Variants in ICA1 observed in about 807,000 individuals in gnomAD.
ICA1 encodes the protein islet cell autoantigen 1.
A neutral mutation model predicts 71.0 loss-of-function variants in ICA1; 40 were observed. That is an observed-to-expected ratio of 0.56 (90% CI 0.44 to 0.73). The LOEUF (loss-of-function observed/expected upper bound fraction) is 0.73. Ranked by LOEUF, ICA1 falls within the 30% of genes least tolerant of loss-of-function variation. The pLI, the probability that ICA1 is intolerant of heterozygous loss-of-function variation, is 0.00. For missense variants in ICA1, 578 were observed against 576.5 expected, an observed-to-expected ratio of 1.00 and a Z score of -0.03; for synonymous variants, 207 against 209.5, an observed-to-expected ratio of 0.99 and a Z score of 0.10.
intron 4 of ICA1, among the ~76,000 whole-genome samples, chr7:8,224,177 G>A (rs1479072642): frequency 6.6e-6 from 1 of 152,184 alleles, no homozygotes; most frequent in African/African-American, 2.4e-5. Context: ...CGGTCAGTAG[G>A]TGCCTTAGAC....
intron 6 of ICA1, among the ~76,000 whole-genome samples, chr7:8,216,251 G>A (rs1795360693): frequency 6.6e-6 from 1 of 152,102 alleles, no homozygotes; most frequent in Admixed American, 6.6e-5. Flanking sequence ...CTGGCCCTGG[G>A]GTGATGGCTG....
chr7:8,139,829 T>G (rs1030982402), intron 10 of ICA1, among the ~76,000 whole-genome samples: 1 of 152,214 alleles, frequency 6.6e-6, no homozygotes, highest in East Asian at 1.9e-4. Flanking sequence ...CCAAAAACTA[T>G]TCTAAACAAT....
chr7:8,182,835 G>C (rs892728082), intron 6 of ICA1, among the ~76,000 whole-genome samples: 1 of 152,178 alleles, frequency 6.6e-6, no homozygotes, highest in African/African-American at 2.4e-5. Context: ...AAAACCCACT[G>C]TCACTGTAAG....
At chr7:8,257,333 T>C (rs946792797) in intron 1 of ICA1, among the ~76,000 whole-genome samples, 1 of 152,162 alleles carries the variant, frequency 6.6e-6, no homozygotes, top group African/African-American at 2.4e-5. Flanking sequence ...CTAGGTACTA[T>C]TAGGTTTCAG....
rs773767906 is a variant in ICA1, at chr7:8,143,881, G to A, written c.896C>T (p.Pro299Leu). The change falls in exon 9 of 14, where the codon CCG becomes CTG. Residue 299 changes from proline to leucine, a missense_variant. Transcript: ENST00000402384. Reference sequence around the variant, plus strand: ...GAAGGAACCTGTGACTTACTGGCTCGGCTCCTGCACGGCTGCATCTGTACT... The same window carrying A: ...GAAGGAACCTGTGACTTACTGGCTCAGCTCCTGCACGGCTGCATCTGTACT... Reference protein sequence around the residue: ...QESTDAAVQEPSQLISLEEEN... With the variant: ...QESTDAAVQELSQLISLEEEN... 3.3e-5 allele frequency: 53 copies of A among 1,603,938 alleles called. 1 individual carries two copies. The Middle Eastern group carries it at 3.3e-3, about 100-fold the overall frequency.
At chr7:8,148,401 C>T (rs1797765836) in intron 8 of ICA1, among the ~76,000 whole-genome samples, 1 of 150,986 alleles carries the variant, frequency 6.6e-6, no homozygotes, top group Non-Finnish European at 1.5e-5. Flanking sequence ...ATTACCTTAC[C>T]TTTTTTTTTA....
intron 6 of ICA1, among the ~76,000 whole-genome samples, chr7:8,213,513 C>T (rs560332415): frequency 1.2e-3 from 186 of 152,296 alleles, no homozygotes; most frequent in Non-Finnish European, 2.3e-3. Flanking sequence ...GAAAGGCCTT[C>T]GTCCTACAGC....
intron 13 of ICA1, among the ~76,000 whole-genome samples, chr7:8,115,269 T>C (rs996008192): frequency 1.3e-5 from 2 of 152,170 alleles, no homozygotes; most frequent in African/African-American, 4.8e-5. Flanking sequence ...TTGAATTCCA[T>C]GTGCAATTAG....
intron 6 of ICA1, among the ~76,000 whole-genome samples, chr7:8,209,323 A>T (rs1323600774): frequency 6.6e-6 from 1 of 152,166 alleles, no homozygotes; most frequent in Admixed American, 6.5e-5. Flanking sequence ...GTATTACAAA[A>T]CATGCTTAAT....
intron 4 of ICA1, among the ~76,000 whole-genome samples, chr7:8,221,892 G>C (rs1281430878): frequency 6.6e-6 from 1 of 152,134 alleles, no homozygotes; most frequent in East Asian, 1.9e-4. Flanking sequence ...GGTTGGAAGT[G>C]GGGGTAGGGA....
At chr7:8,243,225 A>C (rs920175293) in intron 1 of ICA1, among the ~76,000 whole-genome samples, 7 of 152,204 alleles carry the variant, frequency 4.6e-5, no homozygotes, top group East Asian at 1.9e-4. Flanking sequence ...ACCACAATCA[A>C]GTCGGCTTCA....
At chr7:8,248,298 G>A (rs1480817859) in intron 1 of ICA1, among the ~76,000 whole-genome samples, 1 of 149,264 alleles carries the variant, frequency 6.7e-6, no homozygotes, top group African/African-American at 2.4e-5. Flanking sequence ...TTGCATATCT[G>A]AGTCAATGCC....
chr7:8,168,933 G>C (rs531331282), intron 6 of ICA1, among the ~76,000 whole-genome samples: 3 of 152,006 alleles, frequency 2.0e-5, no homozygotes, highest in African/African-American at 7.2e-5. Flanking sequence ...TTGAACAAAC[G>C]TATATAGTTA....
intron 6 of ICA1, among the ~76,000 whole-genome samples, chr7:8,183,303 C>T (rs1259230296): frequency 6.6e-6 from 1 of 152,110 alleles, no homozygotes; most frequent in Non-Finnish European, 1.5e-5. Flanking sequence ...AGGACTTTTT[C>T]CCCAGATATT....
Position 8,226,632 on chromosome 7 carries a change from T to A in ICA1, c.256+1969A>T, listed in dbSNP as rs769902832. ...ACTATTTTTAGTCTTCCATCAAAGT[T>A]GGGATCTCTTTCAAGTCCACACAGG... On this transcript the variant is annotated intron_variant, in intron 4 of 13. Coordinates refer to ENST00000402384, the MANE Select transcript of ICA1 (RefSeq NM_001136020.3). This position sits in a 1 kb window ranked among gnomAD's most constrained non-coding sequence, Gnocchi z 4.4. Among the ~76,000 whole-genome samples, 3 of 152,166 alleles carry A rather than the reference T, an allele frequency of 2.0e-5. No homozygotes were observed. Among genetic ancestry groups the A allele is most frequent in the Non-Finnish European group, 4.4e-5 (3 of 68,026 alleles).
rs1247505186 is a variant in ICA1 at position 8,235,911 on chromosome 7, A to G, written c.16T>C (p.Cys6Arg). 7 of 1,613,340 alleles carry G rather than the reference A, an allele frequency of 4.3e-6. No homozygotes were observed. The highest frequency in any genetic ancestry group is 5.1e-6 in the Non-Finnish European group (6 of 1,179,676). The change falls in exon 2 of 14, where the codon TGC (cysteine) becomes CGC (arginine). Residue 6 changes from cysteine (C) to arginine (R), a missense_variant and splice_region_variant. Physicochemically the swap from Cys to Arg is radical, Grantham distance 180. Transcript: ENST00000402384. Reference protein sequence around the residue: MSGHKCSYPWDLQDRY... With the variant: MSGHKRSYPWDLQDRY... The stretch of plus-strand genomic sequence containing the variant: ...CAGAAAAGATGACAAATTACTTACC[A>G]TTTGTGTCCTGACATGTTTTCTTCT...
At chr7:8,188,020 G>C (rs1784420611) in intron 6 of ICA1, among the ~76,000 whole-genome samples, 1 of 152,204 alleles carries the variant, frequency 6.6e-6, no homozygotes, top group African/African-American at 2.4e-5. Flanking sequence ...TTGAACCCAG[G>C]AGATGCTCAC....
chr7:8,177,047 T>C (rs981754486), intron 6 of ICA1, among the ~76,000 whole-genome samples: 7 of 152,242 alleles, frequency 4.6e-5, no homozygotes, highest in African/African-American at 1.7e-4. Flanking sequence ...CTCTCTTTCC[T>C]TATCACTTTG....
At chr7:8,119,802 T>C (rs1786159455) in intron 13 of ICA1, among the ~76,000 whole-genome samples, 1 of 152,172 alleles carries the variant, frequency 6.6e-6, no homozygotes, top group South Asian at 2.1e-4. Flanking sequence ...GCCGAGATCG[T>C]GCCACTGTAC....
Sources: allele counts gnomAD v4.1 joint callset (sites outside exome capture counted in the v4.1 genomes callset), GRCh38; gene constraint gnomAD v4.1.1; non-coding constraint Gnocchi (gnomAD v3.1); transcripts MANE v1.5; gene names NCBI Gene and HGNC (gene_info 2026-07-23, HGNC 2026-07-21).